MDFIC: variants seen among roughly 807,000 people sequenced by gnomAD.
MDFIC encodes MyoD family inhibitor domain containing.
A neutral mutation model predicts 23.2 loss-of-function variants in MDFIC; 17 were observed. The observed-to-expected ratio is 0.73, with a 90% CI of 0.50 to 1.10. The LOEUF (loss-of-function observed/expected upper bound fraction) is 1.10. MDFIC is among the 50% of genes least tolerant of loss of function. The probability of loss-of-function intolerance (pLI) is 0.00; values close to 1 mark genes in which losing one functional copy is unlikely to be tolerated. For synonymous variants in MDFIC, 120 were observed against 115.2 expected (o/e 1.04, Z -0.27); for missense variants, 356 against 316.6 (o/e 1.12, Z -0.95).
intron 4 of MDFIC, chr7:115,014,607 C>A: frequency 9.3e-7 from 1 of 1,075,710 alleles, no homozygotes; most frequent in Non-Finnish European, 1.2e-6. Flanking sequence ...TTACATTATA[C>A]AAAGTACAAA....
At chr7:114,993,643 A>G (rs1313892887) in intron 4 of MDFIC, among the ~76,000 whole-genome samples, 1 of 152,124 alleles carries the variant, frequency 6.6e-6, no homozygotes, top group African/African-American at 2.4e-5. Context: ...TTCAGTTTCC[A>G]TGTAGTTGAG....
chr7:114,929,084 G>GATCTATCTATTTATCTATCT (rs1792256087), intron 2 of MDFIC, among the ~76,000 whole-genome samples: 1 of 147,960 alleles, frequency 6.8e-6, no homozygotes, highest in Non-Finnish European at 1.5e-5. Flanking sequence ...GATAAATATA[G>GATCTATCTATTTATCTATCT]ATCTATCTAT....
chr7:114,936,506 A>G (rs1254629332), intron 2 of MDFIC, among the ~76,000 whole-genome samples: 3 of 152,180 alleles, frequency 2.0e-5, no homozygotes, highest in Admixed American at 2.0e-4. Context: ...TTCTACCTAC[A>G]AAGGGCAGAA....
In MDFIC at chr7:114,922,598, G is replaced by C; in HGVS notation, c.-146G>C. 7.9e-7 allele frequency: 1 copy of C among 1,269,602 alleles called. No homozygotes were observed. Among genetic ancestry groups the C allele is most frequent in the Non-Finnish European group, 1.0e-6 (1 of 1,000,180 alleles). The allele number at this position is 1,269,602 out of a possible 1,614,324, so 78.6% of individuals were successfully genotyped here. A position where few individuals can be genotyped will look rare whatever the true frequency, so the allele number is the denominator to read the frequency against. On this transcript the variant is annotated 5_prime_UTR_variant, in exon 1 of 5. Coordinates refer to ENST00000393486, the MANE Select transcript of MDFIC (RefSeq NM_001166345.3). ...CCGGGGCGGAAGAGGAGGAGGAGGA[G>C]GAGGAAGGGGCTTGGAGCGACTACG...
chr7:114,981,432 G>A (rs976485851), intron 4 of MDFIC, among the ~76,000 whole-genome samples: 3 of 151,988 alleles, frequency 2.0e-5, no homozygotes, highest in African/African-American at 7.3e-5. Context: ...GTATATGAAT[G>A]AGATACAGTT....
At chr7:114,993,698 G>T (rs540599821) in intron 4 of MDFIC, among the ~76,000 whole-genome samples, 2 of 152,026 alleles carry the variant, frequency 1.3e-5, no homozygotes, top group Non-Finnish European at 2.9e-5. Context: ...GTTTGATTGC[G>T]CTGTGGTCTG....
chr7:114,951,279 T>C (rs1206446343), intron 3 of MDFIC, among the ~76,000 whole-genome samples: 1 of 152,094 alleles, frequency 6.6e-6, no homozygotes, highest in East Asian at 1.9e-4. Flanking sequence ...CTAAGGTCAG[T>C]CACCTGTTGG....
chr7:115,005,252 G>A lies in MDFIC; in HGVS notation c.494-10436G>A, dbSNP rs116373426. ...GCCAAGACCAGAAAGCTGGTTTTAA[G>A]TTTCCAGCATCACAATCCTTATACA... On this transcript the variant is annotated intron_variant, in intron 4 of 4. Transcript: ENST00000393486. 5.9e-5 allele frequency among the ~76,000 whole-genome samples: 9 copies of A among 152,192 alleles called. No individual in the cohort carries two copies. The South Asian group carries it at 6.2e-4, about 10-fold the overall frequency.
chr7:114,929,084 G>GATCTATCTATCTATCTTTCTATCT (rs1554470003), intron 2 of MDFIC, among the ~76,000 whole-genome samples: 5 of 147,960 alleles, frequency 3.4e-5, no homozygotes, highest in Non-Finnish European at 7.4e-5. Context: ...GATAAATATA[G>GATCTATCTATCTATCTTTCTATCT]ATCTATCTAT....
chr7:114,953,069 G>C (rs1792810322), intron 3 of MDFIC, among the ~76,000 whole-genome samples: 1 of 152,020 alleles, frequency 6.6e-6, no homozygotes, highest in African/African-American at 2.4e-5. Flanking sequence ...TTACCAAATG[G>C]TTTTGTGTAA....
At chr7:114,994,684 C>G (rs896454335) in intron 4 of MDFIC, among the ~76,000 whole-genome samples, 1 of 152,208 alleles carries the variant, frequency 6.6e-6, no homozygotes, top group Non-Finnish European at 1.5e-5. Flanking sequence ...GCCCCCCACT[C>G]TCTTCTGGCT....
At chr7:114,932,192 T>C (rs1792321146) in intron 2 of MDFIC, among the ~76,000 whole-genome samples, 1 of 152,190 alleles carries the variant, frequency 6.6e-6, no homozygotes, top group Non-Finnish European at 1.5e-5. Context: ...ACTCTATCAG[T>C]TTTTCACCAA....
chr7:115,009,493 A>G (rs184907467), intron 4 of MDFIC, among the ~76,000 whole-genome samples: 1 of 152,304 alleles, frequency 6.6e-6, no homozygotes. Context: ...CCCTAGTGTA[A>G]TTTGGCCACA....
At chr7:114,991,007 C>T (rs78014755) in intron 4 of MDFIC, among the ~76,000 whole-genome samples, 64,280 of 149,670 alleles carry the variant, frequency 0.43, 14,369 homozygotes, top group Admixed American at 0.57. Context: ...CTCTCTAGCA[C>T]CTGTTGTTTC....
At chr7:115,012,210 C>A (rs1469145254) in intron 4 of MDFIC, among the ~76,000 whole-genome samples, 1 of 152,034 alleles carries the variant, frequency 6.6e-6, no homozygotes, top group African/African-American at 2.4e-5. Context: ...ATCTGAAAAA[C>A]CTTTACAAAT....
At chr7:114,979,242 A>G (rs1793372433) in intron 3 of MDFIC, among the ~76,000 whole-genome samples, 1 of 152,114 alleles carries the variant, frequency 6.6e-6, no homozygotes, top group South Asian at 2.1e-4. Context: ...TTTCTTTAAA[A>G]CCGCCCAAAA....
chr7:114,983,062 AGGT>A (rs1793445256), intron 4 of MDFIC, among the ~76,000 whole-genome samples: 1 of 152,224 alleles, frequency 6.6e-6, no homozygotes, highest in Non-Finnish European at 1.5e-5. Flanking sequence ...AGTTTTGTAG[AGGT>A]GACATTCAAA....
In MDFIC at chr7:115,019,216, T is replaced by G. The variant is rs993340109; in HGVS notation, c.*3281T>G. On this transcript the variant is annotated 3_prime_UTR_variant, in exon 5 of 5. Coordinates refer to ENST00000393486, the MANE Select transcript of MDFIC (RefSeq NM_001166345.3). ...ATCAGAAGAATTTTCATCTAAGGCA[T>G]AGAGTGGCGAAATTTTTGTAAATGC... The G allele has an allele frequency of 3.3e-5, 5 of 152,088 alleles. No homozygotes were observed. Among genetic ancestry groups the G allele is most frequent in the African/African-American group, 1.2e-4 (5 of 41,446 alleles). The allele number at this position is 152,088 out of a possible 1,614,324, so 9.4% of individuals were successfully genotyped here.
At chr7:114,929,100 T>TATCTATCTATCTATCTATCTATCG (rs1441036834) in intron 2 of MDFIC, among the ~76,000 whole-genome samples, 2 of 151,812 alleles carry the variant, frequency 1.3e-5, no homozygotes, top group Admixed American at 1.3e-4. Context: ...TCTATCTATC[T>TATCTATCTATCTATCTATCTATCG]ATCATCTATC....
Sources: gnomAD v4.1 joint callset for allele counts (sites outside exome capture counted in the v4.1 genomes callset) on GRCh38, gnomAD v4.1.1 for gene constraint, MANE v1.5 for transcripts, NCBI Gene and HGNC (gene_info 2026-07-23, HGNC 2026-07-21) for gene names.